The following TTC23L variants were observed in gnomAD, a reference collection of about 807,000 sequenced individuals.
TTC23L encodes the protein tetratricopeptide repeat domain 23 like, also known as tetratricopeptide repeat protein 23-like.
A neutral mutation model predicts 48.1 loss-of-function variants in TTC23L; 42 were observed. That is an observed-to-expected ratio of 0.87 (90% confidence interval 0.68 to 1.13). The LOEUF is 1.13. Among genes scored for constraint, TTC23L ranks in the 50% most tolerant of loss-of-function variants. The probability of loss-of-function intolerance (pLI) is 0.00; values close to 1 mark genes in which losing one functional copy is unlikely to be tolerated. For missense variants in TTC23L, 391 were observed against 421.0 expected (o/e 0.93, Z 0.62); for synonymous variants, 159 against 157.2 (o/e 1.01, Z -0.09).
chr5:34,850,928 C>T (rs1249965802), intron 4 of TTC23L, among the ~76,000 whole-genome samples: 5 of 152,168 alleles, frequency 3.3e-5, no homozygotes, highest in Admixed American at 2.0e-4. Flanking sequence ...TACACTGAGG[C>T]GAGAGCGCAT....
At chr5:34,879,603 CATA>C (rs1340432525) in intron 8 of TTC23L, among the ~76,000 whole-genome samples, 1 of 152,158 alleles carries the variant, frequency 6.6e-6, no homozygotes, top group African/African-American at 2.4e-5. Context: ...GTAGTATTAG[CATA>C]ATAAGATTAT....
chr5:34,915,392 G>A, the TTC23L span: 6 of 253,028 alleles, frequency 2.4e-5, no homozygotes, highest in Non-Finnish European at 4.6e-5. Context: ...CTAGTCTCGG[G>A]GTCCCCGAGT....
chr5:34,909,274 G>C, the TTC23L span: 11 of 1,608,840 alleles, frequency 6.8e-6, no homozygotes, highest in Non-Finnish European at 9.4e-6. Context: ...ACTTGGGTCT[G>C]ATTACAATGA....
downstream of TTC23L, among the ~76,000 whole-genome samples, chr5:34,903,582 C>T (rs1256254287): frequency 1.3e-5 from 2 of 152,188 alleles, no homozygotes; most frequent in African/African-American, 4.8e-5. Flanking sequence ...ATTATAGTAT[C>T]ATACATATTA....
intron 9 of TTC23L, among the ~76,000 whole-genome samples, chr5:34,890,589 G>A (rs1274057572): frequency 6.6e-6 from 1 of 151,934 alleles, no homozygotes; most frequent in Non-Finnish European, 1.5e-5. Context: ...TTGAGTATAC[G>A]TATGAGGATA....
At chr5:34,908,135 A>G in the TTC23L span, 1 of 148,272 alleles carries the variant, frequency 6.7e-6, no homozygotes, top group Non-Finnish European at 1.5e-5. Flanking sequence ...ATAAAAGATC[A>G]TTTCAGGTAG....
chr5:34,858,943 ATGAT>A (rs1306286341), intron 4 of TTC23L, among the ~76,000 whole-genome samples: 1 of 152,226 alleles, frequency 6.6e-6, no homozygotes, highest in Non-Finnish European at 1.5e-5. Context: ...AAGGAACTCT[ATGAT>A]TGATTAGCTG....
downstream of TTC23L, among the ~76,000 whole-genome samples, chr5:34,900,141 G>C (rs905703310): frequency 3.3e-5 from 5 of 152,164 alleles, no homozygotes; most frequent in African/African-American, 1.2e-4. Flanking sequence ...GCAGGGGCTA[G>C]GGCTGCCAAT....
the TTC23L span, chr5:34,905,565 T>C: frequency 7.1e-6 from 1 of 140,094 alleles, no homozygotes; most frequent in Non-Finnish European, 1.6e-5. Flanking sequence ...CACTACATCA[T>C]CGAATGGGAA....
At chr5:34,845,620 G>A (rs750929741) in exon 3 of TTC23L, 2 of 1,613,910 alleles carry the variant, frequency 1.2e-6, no homozygotes, top group South Asian at 2.2e-5. Flanking sequence ...TCATCCCAAA[G>A]AGAAATTAGC....
chr5:34,907,982 C>G, the TTC23L span: 2 of 152,206 alleles, frequency 1.3e-5, no homozygotes, highest in Non-Finnish European at 2.9e-5. Context: ...GGCCTCCTCC[C>G]CAGAGTTTGC....
intron 4 of TTC23L, chr5:34,861,187 C>G (rs996661061): frequency 1.3e-5 from 2 of 152,284 alleles, no homozygotes; most frequent in South Asian, 2.1e-4. Context: ...AGGGTAGTCT[C>G]AATCTCCTGA....
chr5:34,894,925 G>T (rs1025319162), intron 9 of TTC23L, among the ~76,000 whole-genome samples: 1 of 151,670 alleles, frequency 6.6e-6, no homozygotes, highest in Non-Finnish European at 1.5e-5. Context: ...TGTTAATGGT[G>T]ATGATGAAGA....
chr5:34,875,699 C>A (rs1184004882), intron 8 of TTC23L, among the ~76,000 whole-genome samples: 1 of 152,170 alleles, frequency 6.6e-6, no homozygotes, highest in Non-Finnish European at 1.5e-5. Context: ...CAGTATTAAT[C>A]ATCACACCCG....
rs367594505 is a variant in TTC23L at position 34,860,142 on chromosome 5, C to A, written c.380-2756C>A. Among the ~76,000 whole-genome samples, 44 of 152,174 alleles carry A rather than the reference C, an allele frequency of 2.9e-4. No individual in the cohort carries two copies. The East Asian group carries it at 4.8e-3, about 17-fold the overall frequency. ...GATTACAGGCGTGAGCCACTGTGCCCGGGCTGCTTATACGTTTTTCAATTC... is the reference window on the plus strand; with the variant it reads ...GATTACAGGCGTGAGCCACTGTGCCAGGGCTGCTTATACGTTTTTCAATTC... On this transcript the variant is annotated intron_variant, in intron 4 of 10. Coordinates refer to ENST00000505624, the Ensembl canonical transcript of TTC23L.
the TTC23L span, chr5:34,915,101 T>A: frequency 5.2e-6 from 3 of 577,330 alleles, no homozygotes; most frequent in Admixed American, 3.1e-5. Context: ...TAACTATCTT[T>A]GTAATTCTGG....
At chr5:34,917,539 C>T in the TTC23L span, among the ~76,000 whole-genome samples, 5 of 151,712 alleles carry the variant, frequency 3.3e-5, no homozygotes, top group Non-Finnish European at 5.9e-5. Flanking sequence ...ACTCGGGAGT[C>T]TGAGGCAGGA....
intron 4 of TTC23L, among the ~76,000 whole-genome samples, chr5:34,854,295 A>G (rs1006469582): frequency 2.6e-5 from 4 of 152,194 alleles, no homozygotes; most frequent in South Asian, 2.1e-4. Flanking sequence ...AAGTGTCCAC[A>G]TGGTATAGTG....
In TTC23L at chr5:34,850,231, G is replaced by A. The variant is rs761370446; in HGVS notation, c.302G>A (p.Arg101Gln). 3.4e-5 allele frequency: 55 copies of A among 1,613,726 alleles called. No homozygotes were observed. The highest frequency in any genetic ancestry group is 1.2e-4 in the Admixed American group (7 of 59,996). The change falls in exon 4 of 11, where the codon CGG becomes CAG. Residue 101 changes from arginine to glutamine, a missense_variant. Transcript: ENST00000505624. ...CTGATTCGATGTGTCATCCTTTCTCGGATTATTTTTGGGGACCATCACTGG... is the reference window on the plus strand; with the variant it reads ...CTGATTCGATGTGTCATCCTTTCTCAGATTATTTTTGGGGACCATCACTGG...
Sources: allele counts gnomAD v4.1 joint callset (sites outside exome capture counted in the v4.1 genomes callset), GRCh38; gene constraint gnomAD v4.1.1; transcripts MANE v1.5; gene names NCBI Gene and HGNC (gene_info 2026-07-23, HGNC 2026-07-21).